The following POU6F2 variants were observed in gnomAD, a reference collection of about 807,000 sequenced individuals.
POU6F2 encodes the protein POU class 6 homeobox 2.
POU6F2 carries 31 observed loss-of-function variants against 71.3 expected under a neutral mutation model. That is an observed-to-expected ratio of 0.43 (90% CI 0.33 to 0.59). POU6F2 has a LOEUF of 0.59. POU6F2 is among the 20% of genes least tolerant of loss of function. The pLI is 0.04. For missense variants in POU6F2, 783 were observed against 856.8 expected (o/e 0.91, Z 1.07); for synonymous variants, 347 against 355.7 (o/e 0.98, Z 0.27).
chr7:39,277,516 A>G (rs545327100), intron 4 of POU6F2, among the ~76,000 whole-genome samples: 5 of 152,178 alleles, frequency 3.3e-5, no homozygotes, highest in Admixed American at 2.6e-4. Flanking sequence ...TTGGTTTTCT[A>G]TTTCCGCAAA....
chr7:39,150,698 C>A (rs1355197167), intron 2 of POU6F2, among the ~76,000 whole-genome samples: 1 of 151,792 alleles, frequency 6.6e-6, no homozygotes, highest in Non-Finnish European at 1.5e-5. Flanking sequence ...GAACTCCTGA[C>A]CTTAGGTGAT....
chr7:39,411,919 A>T (rs762960723), intron 6 of POU6F2, among the ~76,000 whole-genome samples: 6 of 152,368 alleles, frequency 3.9e-5, no homozygotes, highest in Non-Finnish European at 7.3e-5. Flanking sequence ...AGGCCATCCC[A>T]ATGTCATCAC....
chr7:39,081,395 G>A (rs1465359742), intron 1 of POU6F2, among the ~76,000 whole-genome samples: 1 of 152,192 alleles, frequency 6.6e-6, no homozygotes, highest in East Asian at 1.9e-4. Context: ...AAGTTAGATC[G>A]ACTTCTTTCC....
At chr7:39,022,949 C>T (rs548356797) in intron 1 of POU6F2, among the ~76,000 whole-genome samples, 13 of 152,166 alleles carry the variant, frequency 8.5e-5, no homozygotes, top group African/African-American at 3.1e-4. Context: ...TACCATTTTA[C>T]ACACTCAACA....
chr7:39,168,719 C>G (rs942545958), intron 2 of POU6F2, among the ~76,000 whole-genome samples: 1 of 152,090 alleles, frequency 6.6e-6, no homozygotes, highest in African/African-American at 2.4e-5. Flanking sequence ...AAATTGCTAG[C>G]ACAATTGAGA....
intron 3 of POU6F2, among the ~76,000 whole-genome samples, chr7:39,205,344 C>T (rs1159526321): frequency 1.3e-5 from 2 of 152,082 alleles, no homozygotes; most frequent in Admixed American, 6.6e-5. Flanking sequence ...TGTCTGCACA[C>T]CTGCCTGTGA....
At chr7:39,414,064 C>T (rs1047465630) in intron 6 of POU6F2, among the ~76,000 whole-genome samples, 1 of 151,992 alleles carries the variant, frequency 6.6e-6, no homozygotes, top group African/African-American at 2.4e-5. Context: ...GAGCTTCACC[C>T]CAGCAACCCC....
chr7:39,026,652 A>G (rs1256655690), intron 1 of POU6F2, among the ~76,000 whole-genome samples: 1 of 152,110 alleles, frequency 6.6e-6, no homozygotes, highest in Non-Finnish European at 1.5e-5. Context: ...CTAATGCTAA[A>G]TGACGAGTTA....
intron 2 of POU6F2, among the ~76,000 whole-genome samples, chr7:39,107,359 A>G (rs962288119): frequency 6.6e-6 from 1 of 152,086 alleles, no homozygotes; most frequent in South Asian, 2.1e-4. Flanking sequence ...ATTGTTTCAT[A>G]TGAGCTCTTC....
At chr7:39,192,521 A>C (rs1425097494) in intron 2 of POU6F2, among the ~76,000 whole-genome samples, 1 of 152,224 alleles carries the variant, frequency 6.6e-6, no homozygotes, top group Non-Finnish European at 1.5e-5. Context: ...GCCATAAATA[A>C]GAGAGCAATG....
intron 5 of POU6F2, among the ~76,000 whole-genome samples, chr7:39,377,459 G>T (rs1786732901): frequency 6.6e-6 from 1 of 152,134 alleles, no homozygotes; most frequent in Non-Finnish European, 1.5e-5. Context: ...ACATATAAAA[G>T]AAATCATTTC....
At chr7:39,139,356 T>C (rs1262919005) in intron 2 of POU6F2, among the ~76,000 whole-genome samples, 1 of 152,234 alleles carries the variant, frequency 6.6e-6, no homozygotes, top group East Asian at 1.9e-4. Context: ...GCTGATGGGC[T>C]GATGTTTGCT....
intron 6 of POU6F2, among the ~76,000 whole-genome samples, chr7:39,408,932 A>G (rs933359395): frequency 6.6e-6 from 1 of 152,190 alleles, no homozygotes; most frequent in Non-Finnish European, 1.5e-5. Context: ...GTGTGACCCT[A>G]TGAAGTGAGG....
chr7:39,166,577 T>C (rs1240380706), intron 2 of POU6F2, among the ~76,000 whole-genome samples: 1 of 152,186 alleles, frequency 6.6e-6, no homozygotes, highest in Non-Finnish European at 1.5e-5. Context: ...CTGACTGTTA[T>C]CTGTGAAAGC....
At chr7:39,177,216 C>T (rs866998659) in intron 2 of POU6F2, among the ~76,000 whole-genome samples, 2 of 152,176 alleles carry the variant, frequency 1.3e-5, no homozygotes, top group Middle Eastern at 3.2e-3. Flanking sequence ...CCCTTGCCTC[C>T]ACCCTCCTTT....
chr7:39,107,233 C>A, intron 2 of POU6F2, among the ~76,000 whole-genome samples: 1 of 151,732 alleles, frequency 6.6e-6, no homozygotes, highest in Non-Finnish European at 1.5e-5. Flanking sequence ...TTTGTAGAGA[C>A]AGAATCGCCC....
At chr7:39,365,163 G>A (rs970267246) in intron 5 of POU6F2, among the ~76,000 whole-genome samples, 1 of 152,154 alleles carries the variant, frequency 6.6e-6, no homozygotes. Flanking sequence ...TGCCAAAACA[G>A]CATGGTACTG....
At chr7:39,347,505 A>G (rs990479461) in intron 5 of POU6F2, among the ~76,000 whole-genome samples, 1 of 152,166 alleles carries the variant, frequency 6.6e-6, no homozygotes, top group African/African-American at 2.4e-5. Flanking sequence ...GTGGAGCTCC[A>G]AGGGGTTTAG....
intron 4 of POU6F2, among the ~76,000 whole-genome samples, chr7:39,307,864 A>C (rs1021623571): frequency 4.6e-5 from 7 of 152,020 alleles, no homozygotes; most frequent in Non-Finnish European, 8.8e-5. Context: ...CTGAGGCAGG[A>C]GAATCCCTTG....
Sources: allele counts gnomAD v4.1 joint callset (sites outside exome capture counted in the v4.1 genomes callset), GRCh38; gene constraint gnomAD v4.1.1; transcripts MANE v1.5; gene names NCBI Gene and HGNC (gene_info 2026-07-23, HGNC 2026-07-21).